Variants in UBAP2 observed in about 807,000 individuals in gnomAD.
UBAP2 encodes the protein ubiquitin-associated protein 2.
In UBAP2, 75 loss-of-function variants were observed where a neutral mutation model predicts 139.6. The observed-to-expected ratio is 0.54, with a 90% CI of 0.45 to 0.65. The LOEUF (loss-of-function observed/expected upper bound fraction) is 0.65. Among genes scored for constraint, UBAP2 ranks in the 30% least tolerant of loss-of-function variants. The pLI is 0.00. For missense variants in UBAP2, 1,368 were observed against 1,369.6 expected, an observed-to-expected ratio of 1.00 and a Z score of 0.02; for synonymous variants, 526 against 526.2, an observed-to-expected ratio of 1.00 and a Z score of 0.01.
upstream of UBAP2, among the ~76,000 whole-genome samples, chr9:34,049,164 C>T (rs537197385): frequency 1.6e-4 from 24 of 152,332 alleles, no homozygotes; most frequent in Non-Finnish European, 2.9e-4. Context: ...ACAAGGTGCC[C>T]ACAACTGCAG....
At chr9:34,041,786 GGCCGAA>G (rs1249258033) in intron 1 of UBAP2, among the ~76,000 whole-genome samples, 1 of 151,858 alleles carries the variant, frequency 6.6e-6, no homozygotes, top group African/African-American at 2.4e-5. Flanking sequence ...AACTTTGGGA[GGCCGAA>G]GCAGGCAGAT....
intron 1 of UBAP2, among the ~76,000 whole-genome samples, chr9:34,025,732 T>C (rs541159818): frequency 6.6e-6 from 1 of 152,108 alleles, no homozygotes; most frequent in Non-Finnish European, 1.5e-5. Flanking sequence ...GCCTAAAAAG[T>C]TTTGTTTCCG....
chr9:34,033,766 C>T (rs1362618758), intron 1 of UBAP2, among the ~76,000 whole-genome samples: 1 of 150,294 alleles, frequency 6.7e-6, no homozygotes, highest in Non-Finnish European at 1.5e-5. Context: ...AACAGAGTTT[C>T]ACTCTGTTGC....
intron 1 of UBAP2, among the ~76,000 whole-genome samples, chr9:34,042,847 G>C (rs1827219118): frequency 6.6e-6 from 1 of 151,822 alleles, no homozygotes; most frequent in Admixed American, 6.6e-5. Flanking sequence ...GTAGGCCAAG[G>C]CAGGAGGATC....
intron 6 of UBAP2, among the ~76,000 whole-genome samples, chr9:33,978,724 G>A (rs140244132): frequency 2.4e-4 from 36 of 152,248 alleles, no homozygotes; most frequent in African/African-American, 8.7e-4. Flanking sequence ...AGCGTGCAAT[G>A]AGCCGAGATT....
At chr9:34,010,049 T>A in intron 2 of UBAP2, among the ~76,000 whole-genome samples, 1 of 146,628 alleles carries the variant, frequency 6.8e-6, no homozygotes, top group Non-Finnish European at 1.5e-5. Flanking sequence ...TCAGGTGATC[T>A]ACCTGCCTTG....
intron 11 of UBAP2, among the ~76,000 whole-genome samples, chr9:33,954,039 T>C (rs1826327193): frequency 6.6e-6 from 1 of 152,094 alleles, no homozygotes. Flanking sequence ...CCCGAGTAGC[T>C]GGGATTACAG....
rs77261410 is a variant in UBAP2 at position 34,014,965 on chromosome 9, C to T, written c.99+2085G>A. ...TAGCAGAGATATCTGTCTGTTAATA[C>T]CAGCAGAATACTACACTAACTTTAT... On this transcript the variant is annotated intron_variant, in intron 2 of 28. Coordinates refer to ENST00000379238, the MANE Select transcript of UBAP2 (RefSeq NM_001370062.2). 0.012 allele frequency among the ~76,000 whole-genome samples: 1,787 copies of T among 152,196 alleles called. 85 individuals carry two copies. In the East Asian group the frequency reaches 0.16, roughly 14 times the overall value.
chr9:33,932,958 G>C (rs746519718), intron 18 of UBAP2, among the ~76,000 whole-genome samples: 1 of 152,226 alleles, frequency 6.6e-6, no homozygotes, highest in Non-Finnish European at 1.5e-5. Context: ...AGGGATCAAA[G>C]TTCCTATGCT....
intron 20 of UBAP2, among the ~76,000 whole-genome samples, chr9:33,927,574 A>C (rs1436945885): frequency 6.6e-6 from 1 of 152,176 alleles, no homozygotes; most frequent in African/African-American, 2.4e-5. Context: ...GAAAGAACAA[A>C]GAGGAAAGAC....
At chr9:33,973,343 C>A in intron 6 of UBAP2, 106 bp from the exon 7 acceptor site, 1 of 1,222,628 alleles carries the variant, frequency 8.2e-7, no homozygotes, top group Non-Finnish European at 1.2e-6. Flanking sequence ...TATCATTATT[C>A]CTAGTAGCAC....
chr9:34,008,258 C>A (rs977654856), intron 2 of UBAP2, among the ~76,000 whole-genome samples: 6 of 147,756 alleles, frequency 4.1e-5, no homozygotes, highest in African/African-American at 1.5e-4. Context: ...GCGAAGGTTG[C>A]GGTGAGCTAA....
intron 2 of UBAP2, 93 bp from the exon 3 acceptor site, chr9:33,998,957 T>A: frequency 1.1e-6 from 1 of 923,506 alleles, no homozygotes; most frequent in Non-Finnish European, 1.7e-6. Flanking sequence ...TCTCAAGCAC[T>A]AGAAATACTA....
chr9:34,024,818 T>A (rs150510020), intron 1 of UBAP2, among the ~76,000 whole-genome samples: 2 of 152,172 alleles, frequency 1.3e-5, no homozygotes, highest in African/African-American at 4.8e-5. Context: ...ACCCTGTCTC[T>A]ACTAAAACTA....
At chr9:34,026,091 A>G (rs894915986) in intron 1 of UBAP2, among the ~76,000 whole-genome samples, 1 of 152,246 alleles carries the variant, frequency 6.6e-6, no homozygotes, top group African/African-American at 2.4e-5. Context: ...AACCATGTAT[A>G]TACCCTAAAC....
intron 3 of UBAP2, 92 bp from the exon 4 acceptor site, chr9:33,996,425 C>T (rs1822206116): frequency 8.3e-6 from 7 of 839,184 alleles, no homozygotes; most frequent in Non-Finnish European, 1.4e-5. Context: ...TTACATAATC[C>T]TTCTACATGA....
chr9:33,943,235 G>C (rs982848003), intron 15 of UBAP2, among the ~76,000 whole-genome samples, 185 bp downstream of exon 15: 3 of 152,158 alleles, frequency 2.0e-5, no homozygotes, highest in Non-Finnish European at 4.4e-5. Context: ...CAGATTATTG[G>C]TTGCTAAGGG....
intron 22 of UBAP2, among the ~76,000 whole-genome samples, chr9:33,924,679 G>A (rs558787992): frequency 1.3e-5 from 2 of 152,304 alleles, no homozygotes; most frequent in East Asian, 3.9e-4. Context: ...GGCAACAGAA[G>A]TGCAGGGGCC....
Position 33,950,885 on chromosome 9 carries a change from T to C in UBAP2, c.1057-2298A>G, listed in dbSNP as rs1262738694. ...TCAATGGAGAGACTTTTAAAATGTA[T>C]ACAATACACACATGTGCATACATGC... is the stretch of plus-strand genomic sequence containing the variant. On this transcript the variant is annotated intron_variant, in intron 12 of 28. Coordinates refer to ENST00000379238, the MANE Select transcript of UBAP2 (RefSeq NM_001370062.2). Among the ~76,000 whole-genome samples the C allele has an allele frequency of 2.0e-5, 3 of 152,224 alleles. No homozygotes were observed. The East Asian group carries it at 5.8e-4, about 29-fold the overall frequency.
Sources: gnomAD v4.1 joint callset for allele counts (sites outside exome capture counted in the v4.1 genomes callset) on GRCh38, gnomAD v4.1.1 for gene constraint, MANE v1.5 for transcripts, NCBI Gene and HGNC (gene_info 2026-07-23, HGNC 2026-07-21) for gene names.